Variants in GABRB1 observed in about 807,000 individuals in gnomAD.
The protein encoded by GABRB1 is gamma-aminobutyric acid type A receptor subunit beta1, also known as gamma-aminobutyric acid receptor subunit beta-1.
GABRB1 carries 17 observed loss-of-function variants against 51.6 expected under a neutral mutation model. That is an observed-to-expected ratio of 0.33 (90% CI 0.23 to 0.49). The LOEUF (loss-of-function observed/expected upper bound fraction) is 0.49. GABRB1 is among the 20% of genes least tolerant of loss of function. The probability of loss-of-function intolerance (pLI) is 0.99; values close to 1 mark genes in which losing one functional copy is unlikely to be tolerated. For synonymous variants in GABRB1, 247 were observed against 218.9 expected (o/e 1.13, Z -1.14); for missense variants, 410 against 600.6 (o/e 0.68, Z 3.32).
chr4:47,347,240 C>T (rs928161439), intron 5 of GABRB1, among the ~76,000 whole-genome samples: 6 of 151,982 alleles, frequency 3.9e-5, no homozygotes, highest in Admixed American at 1.3e-4. Flanking sequence ...CGAGATCACG[C>T]CACTGCACTG....
chr4:47,172,631 CTTTTTTTTTTTT>C (rs71195611), intron 4 of GABRB1, among the ~76,000 whole-genome samples: 3 of 65,798 alleles, frequency 4.6e-5, no homozygotes, highest in African/African-American at 6.5e-5. Flanking sequence ...TTAGATTTAA[CTTTTTTTTTTTT>C]TTTTTTTTTT....
intron 4 of GABRB1, among the ~76,000 whole-genome samples, chr4:47,284,999 A>G (rs1380970209): frequency 2.0e-5 from 3 of 152,252 alleles, no homozygotes; most frequent in Admixed American, 6.5e-5. Context: ...TTCTAACGTC[A>G]TCGTGTTTGA....
At chr4:47,106,968 G>A (rs1302096669) in intron 3 of GABRB1, among the ~76,000 whole-genome samples, 1 of 152,064 alleles carries the variant, frequency 6.6e-6, no homozygotes, top group African/African-American at 2.4e-5. Flanking sequence ...TGGTGATTGG[G>A]TGGCTTTTTA....
At chr4:47,422,979 T>C (rs1481129879) in intron 8 of GABRB1, among the ~76,000 whole-genome samples, 2 of 152,210 alleles carry the variant, frequency 1.3e-5, no homozygotes, top group Non-Finnish European at 2.9e-5. Flanking sequence ...AGTGTAGTTT[T>C]CCTTTTCTTT....
At chr4:47,260,256 C>T (rs997772798) in intron 4 of GABRB1, among the ~76,000 whole-genome samples, 5 of 151,592 alleles carry the variant, frequency 3.3e-5, no homozygotes, top group Admixed American at 6.6e-5. Context: ...ATACAGCACA[C>T]TGATGGGTCT....
At chr4:47,024,982 T>A (rs2109456396) in intron 1 of GABRB1, among the ~76,000 whole-genome samples, 1 of 134,816 alleles carries the variant, frequency 7.4e-6, no homozygotes, top group Non-Finnish European at 1.6e-5. Context: ...AGCTAACTAA[T>A]AAAATCTTCT....
chr4:47,261,368 A>G (rs1192347123), intron 4 of GABRB1, among the ~76,000 whole-genome samples: 1 of 152,176 alleles, frequency 6.6e-6, no homozygotes, highest in African/African-American at 2.4e-5. Flanking sequence ...ATCAATGTAC[A>G]AAAATCACAA....
chr4:47,242,250 T>G (rs1377020143), intron 4 of GABRB1, among the ~76,000 whole-genome samples: 1 of 152,232 alleles, frequency 6.6e-6, no homozygotes, highest in Non-Finnish European at 1.5e-5. Flanking sequence ...TATTCCATGG[T>G]GTATATGTGC....
At chr4:47,269,317 T>C (rs376821324) in intron 4 of GABRB1, among the ~76,000 whole-genome samples, 1 of 152,234 alleles carries the variant, frequency 6.6e-6, no homozygotes, top group African/African-American at 2.4e-5. Context: ...TGCACTTCTT[T>C]ATTAACTTAA....
chr4:47,241,356 A>G (rs1329272555), intron 4 of GABRB1, among the ~76,000 whole-genome samples: 4 of 152,048 alleles, frequency 2.6e-5, no homozygotes, highest in Admixed American at 2.6e-4. Flanking sequence ...ATGTTACCCA[A>G]TTTAAGTCAT....
Position 47,156,612 on chromosome 4 carries a change from G to A in GABRB1, c.241-4637G>A, listed in dbSNP as rs147853436. Among the ~76,000 whole-genome samples, 270 of 151,946 alleles carry A rather than the reference G, an allele frequency of 1.8e-3. 1 individual carries two copies. Among genetic ancestry groups the A allele is most frequent in the Non-Finnish European group, 2.7e-3 (182 of 67,964 alleles). On this transcript the variant is annotated intron_variant, in intron 3 of 8. Transcript: ENST00000295454. ...TTTATTCTCCAAAAGAGTGACTTTTGTTTAACATAATTTTCTTATACTATA... is the reference window on the plus strand; with the variant it reads ...TTTATTCTCCAAAAGAGTGACTTTTATTTAACATAATTTTCTTATACTATA...
intron 4 of GABRB1, among the ~76,000 whole-genome samples, chr4:47,255,959 C>T (rs1162773928): frequency 6.6e-6 from 1 of 152,142 alleles, no homozygotes; most frequent in East Asian, 1.9e-4. Context: ...ATGGAATAAC[C>T]TGGATATCTA....
intron 4 of GABRB1, among the ~76,000 whole-genome samples, chr4:47,291,979 A>C (rs1432085660): frequency 6.6e-6 from 1 of 152,162 alleles, no homozygotes; most frequent in Non-Finnish European, 1.5e-5. Context: ...GGAAGGCATG[A>C]TTGGTTTTGA....
intron 3 of GABRB1, among the ~76,000 whole-genome samples, chr4:47,159,195 T>C (rs562233104): frequency 6.6e-6 from 1 of 151,928 alleles, no homozygotes; most frequent in East Asian, 1.9e-4. Flanking sequence ...AAAGATAGGA[T>C]TCTTTAAGCC....
intron 4 of GABRB1, among the ~76,000 whole-genome samples, chr4:47,164,103 C>T (rs563990255): frequency 2.4e-4 from 36 of 152,130 alleles, no homozygotes; most frequent in South Asian, 2.1e-4. Flanking sequence ...CTCACTATCA[C>T]AAGAACATCA....
chr4:47,261,598 G>A (rs374851976), intron 4 of GABRB1, among the ~76,000 whole-genome samples: 8 of 151,732 alleles, frequency 5.3e-5, no homozygotes, highest in East Asian at 1.9e-4. Flanking sequence ...AATCAATATC[G>A]TGAAAATGGC....
chr4:47,343,691 T>C lies in GABRB1; in HGVS notation c.544+23482T>C, dbSNP rs1307082371. On this transcript the variant is annotated intron_variant, in intron 5 of 8. Coordinates refer to ENST00000295454, the MANE Select transcript of GABRB1 (RefSeq NM_000812.4). ...ACTTAGAAATTTGCAGCCTGGCATG[T>C]ATATACCAGAAAATTAGGCCTGTGC... is the stretch of plus-strand genomic sequence containing the variant. 2.6e-5 allele frequency among the ~76,000 whole-genome samples: 4 copies of C among 152,154 alleles called. No individual in the cohort carries two copies. The East Asian group carries it at 7.7e-4, about 29-fold the overall frequency.
chr4:47,296,101 G>A (rs1040902411), intron 4 of GABRB1, among the ~76,000 whole-genome samples: 3 of 152,130 alleles, frequency 2.0e-5, no homozygotes, highest in African/African-American at 7.2e-5. Flanking sequence ...AAGAGCTCCT[G>A]AAGGAAGCAC....
At chr4:47,257,271 GT>G (rs112703462) in intron 4 of GABRB1, among the ~76,000 whole-genome samples, 175 of 152,128 alleles carry the variant, frequency 1.2e-3, no homozygotes, top group African/African-American at 3.9e-3. Context: ...TTCCCTTCAG[GT>G]TTAGTGATAG....
Sources: gnomAD v4.1 joint callset for allele counts (sites outside exome capture counted in the v4.1 genomes callset) on GRCh38, gnomAD v4.1.1 for gene constraint, MANE v1.5 for transcripts, NCBI Gene and HGNC (gene_info 2026-07-23, HGNC 2026-07-21) for gene names.